NALCN: variants seen among roughly 807,000 people sequenced by gnomAD.
NALCN encodes sodium leak channel NALCN.
NALCN carries 111 observed loss-of-function variants against 225.3 expected under a neutral mutation model. That is an observed-to-expected ratio of 0.49 (90% CI 0.42 to 0.58). NALCN has a LOEUF of 0.58. NALCN is among the 20% of genes least tolerant of loss of function. The pLI is 0.00. For missense variants in NALCN, 1,378 were observed against 2,202.4 expected (o/e 0.63, Z 7.49); for synonymous variants, 764 against 769.0 (o/e 0.99, Z 0.11).
At chr13:101,114,272 C>A (rs1677025094) in intron 18 of NALCN, among the ~76,000 whole-genome samples, 1 of 152,182 alleles carries the variant, frequency 6.6e-6, no homozygotes, top group Non-Finnish European at 1.5e-5. Flanking sequence ...TTCCTTCTGA[C>A]TTCACAGGGA....
At chr13:101,182,133 C>CAAAAA (rs34387567) in intron 14 of NALCN, among the ~76,000 whole-genome samples, 13 of 73,418 alleles carry the variant, frequency 1.8e-4, no homozygotes, top group Non-Finnish European at 2.3e-4. Context: ...GACTCCATCT[C>CAAAAA]AAAAAAAAAA....
intron 42 of NALCN, among the ~76,000 whole-genome samples, chr13:101,059,482 T>C (rs1336340444): frequency 3.9e-5 from 6 of 152,204 alleles, no homozygotes. Flanking sequence ...CTCCATGTAA[T>C]ATACCCAGAT....
At chr13:101,297,745 A>G (rs1594626762) in intron 7 of NALCN, among the ~76,000 whole-genome samples, 2 of 152,324 alleles carry the variant, frequency 1.3e-5, no homozygotes, top group African/African-American at 4.8e-5. Flanking sequence ...TAACTCTTCC[A>G]ATCTGATCTA....
intron 3 of NALCN, among the ~76,000 whole-genome samples, chr13:101,386,360 T>C (rs951805059): frequency 6.6e-6 from 1 of 152,192 alleles, no homozygotes; most frequent in African/African-American, 2.4e-5. Flanking sequence ...ATGTGCTAAG[T>C]CTGTCCCACA....
chr13:101,218,544 C>A (rs1381098428), intron 13 of NALCN, among the ~76,000 whole-genome samples: 1 of 152,068 alleles, frequency 6.6e-6, no homozygotes, highest in Non-Finnish European at 1.5e-5. Context: ...CCACCCAAAT[C>A]TCATGTTCAA....
rs147485850 is a variant in NALCN at position 101,116,219 on chromosome 13, C to T, written c.2193-4993G>A. Among the ~76,000 whole-genome samples, 15 of 151,786 alleles carry T rather than the reference C, an allele frequency of 9.9e-5. No homozygotes were observed. The East Asian group carries it at 2.7e-3, about 27-fold the overall frequency. ...ATATTACCCCTGGTTTCTTGCCAAG[C>T]CTTTGAGAAAAAATAATATGAAAGA... On this transcript the variant is annotated intron_variant, in intron 18 of 43. Coordinates refer to ENST00000251127, the MANE Select transcript of NALCN (RefSeq NM_052867.4).
intron 15 of NALCN, among the ~76,000 whole-genome samples, chr13:101,159,168 T>A (rs771734320): frequency 6.6e-6 from 1 of 152,324 alleles, no homozygotes; most frequent in African/African-American, 2.4e-5. Context: ...ATGAATATCA[T>A]CACTTTCCTG....
chr13:101,144,868 G>A lies in NALCN; in HGVS notation c.1868C>T (p.Thr623Ile). ...CAGGCGTAAAGGGAGCTTTTCTTTGGTGTCCGCATTTGCTTCACTTTGCTT... is the reference window on the plus strand; with the variant it reads ...CAGGCGTAAAGGGAGCTTTTCTTTGATGTCCGCATTTGCTTCACTTTGCTT... Reference protein sequence around the residue: ...QLKQSEANADTKEKLPLRLRI... With the variant: ...QLKQSEANADIKEKLPLRLRI... The change falls in exon 16 of 44, where the codon ACC becomes ATC. Residue 623 changes from threonine (T) to isoleucine (I), a missense_variant. Thr to Ile is a moderately conservative substitution (Grantham distance 89). Coordinates refer to ENST00000251127, the MANE Select transcript of NALCN (RefSeq NM_052867.4). The A allele has an allele frequency of 6.2e-7, 1 of 1,611,974 alleles. No homozygotes were observed. Among genetic ancestry groups the A allele is most frequent in the South Asian group, 1.1e-5 (1 of 90,444 alleles).
chr13:101,284,061 T>G lies in NALCN; in HGVS notation c.1048-42A>C, dbSNP rs775153974. ...GGAGATGAGTCAGAGACATTTAATA[T>G]GGAACATTGAGAACTCTATGTCTCC... On this transcript the variant is annotated intron_variant, in intron 9 of 43. Transcript: ENST00000251127. 25 of 1,553,780 alleles carry G rather than the reference T, an allele frequency of 1.6e-5. No individual in the cohort carries two copies. The Middle Eastern group carries it at 5.1e-4, about 32-fold the overall frequency.
At chr13:101,245,467 A>G (rs144308692) in intron 11 of NALCN, among the ~76,000 whole-genome samples, 2,234 of 152,178 alleles carry the variant, frequency 0.015, 44 homozygotes, top group African/African-American at 0.043. Context: ...CACCTCATGG[A>G]GTTTTGATAC....
chr13:101,137,208 C>G (rs1230628992), intron 17 of NALCN, among the ~76,000 whole-genome samples: 1 of 152,144 alleles, frequency 6.6e-6, no homozygotes, highest in Non-Finnish European at 1.5e-5. Context: ...TGAGATACAA[C>G]CCATGGTTAC....
chr13:101,081,218 T>C (rs2033629512), intron 34 of NALCN, among the ~76,000 whole-genome samples: 1 of 152,232 alleles, frequency 6.6e-6, no homozygotes, highest in Non-Finnish European at 1.5e-5. Flanking sequence ...TCTTCCTCTC[T>C]CTTTCTTGTT....
At chr13:101,382,390 T>C (rs973066647) in intron 3 of NALCN, among the ~76,000 whole-genome samples, 1 of 152,160 alleles carries the variant, frequency 6.6e-6, no homozygotes, top group Non-Finnish European at 1.5e-5. Context: ...GGACCAATGC[T>C]TACATGTTAA....
intron 10 of NALCN, among the ~76,000 whole-genome samples, chr13:101,271,648 G>A (rs549732289): frequency 1.8e-4 from 27 of 152,054 alleles, no homozygotes; most frequent in African/African-American, 6.5e-4. Context: ...GCGTGTGTAT[G>A]TGTGAGCATG....
intron 38 of NALCN, 56 bp downstream of exon 38, chr13:101,068,639 A>G: frequency 6.9e-7 from 1 of 1,441,708 alleles, no homozygotes; most frequent in South Asian, 1.7e-5. Context: ...AATAATACAT[A>G]ATTATCTAAG....
At chr13:101,124,509 G>T in intron 18 of NALCN, 99 bp downstream of exon 18, 1 of 1,012,332 alleles carries the variant, frequency 9.9e-7, no homozygotes, top group Non-Finnish European at 1.5e-6. Context: ...GAAAGTATAT[G>T]CTGATGCCCA....
chr13:101,273,908 G>GAA (rs2042888645), intron 10 of NALCN, among the ~76,000 whole-genome samples: 1 of 123,872 alleles, frequency 8.1e-6, no homozygotes, highest in African/African-American at 3.0e-5. Context: ...AAAAAAAAAA[G>GAA]AAAATGTGTG....
chr13:101,114,627 G>A (rs1032767495), intron 18 of NALCN, among the ~76,000 whole-genome samples: 3 of 152,062 alleles, frequency 2.0e-5, no homozygotes, highest in African/African-American at 7.2e-5. Flanking sequence ...CGATTGAGTG[G>A]GGCTCTTCCC....
At chr13:101,391,690 A>C (rs2047149192) in intron 3 of NALCN, among the ~76,000 whole-genome samples, 1 of 151,676 alleles carries the variant, frequency 6.6e-6, no homozygotes, top group Admixed American at 6.6e-5. Flanking sequence ...CTCTACTAAA[A>C]AATGAAGACA....
Sources: gnomAD v4.1 joint callset for allele counts (sites outside exome capture counted in the v4.1 genomes callset) on GRCh38, gnomAD v4.1.1 for gene constraint, MANE v1.5 for transcripts, NCBI Gene and HGNC (gene_info 2026-07-23, HGNC 2026-07-21) for gene names.